Variants in ATP10D observed in about 807,000 individuals in gnomAD.
The protein encoded by ATP10D is phospholipid-transporting ATPase VD.
Under a neutral mutation model 144.8 loss-of-function variants are expected in ATP10D, and 89 were observed. That is an observed-to-expected ratio of 0.61 (90% CI 0.52 to 0.73). The LOEUF (loss-of-function observed/expected upper bound fraction) is 0.73. Ranked by LOEUF, ATP10D falls within the 30% of genes least tolerant of loss-of-function variation. The pLI is 0.00. For synonymous variants in ATP10D, 571 were observed against 615.1 expected (o/e 0.93, Z 1.06); for missense variants, 1,603 against 1,714.8 (o/e 0.93, Z 1.15).
intron 15 of ATP10D, 81 bp downstream of exon 15, chr4:47,563,846 A>T (rs201310707): frequency 1.4e-6 from 1 of 713,118 alleles, no homozygotes; most frequent in South Asian, 3.8e-5. Flanking sequence ...TGCAAGGATT[A>T]AAAAAAAAAC....
At chr4:47,512,001 T>G (rs1404648110) in intron 1 of ATP10D, among the ~76,000 whole-genome samples, 1 of 152,246 alleles carries the variant, frequency 6.6e-6, no homozygotes, top group African/African-American at 2.4e-5. Flanking sequence ...AGAGAAAGAC[T>G]CTACCTCTTG....
intron 6 of ATP10D, 48 bp from the exon 7 acceptor site, chr4:47,535,854 C>A (rs200887418): frequency 2.7e-5 from 42 of 1,575,508 alleles, no homozygotes; most frequent in Non-Finnish European, 3.5e-5. Context: ...GTATTCGCTT[C>A]TTGGCTTTAA....
In ATP10D at chr4:47,535,882, A is replaced by G. The variant is rs753236225; in HGVS notation, c.884-20A>G. On this transcript the variant is annotated intron_variant, in intron 6 of 22. Coordinates refer to ENST00000273859, the MANE Select transcript of ATP10D (RefSeq NM_020453.4). ...GGCTTTAATTTGTACATTTTCTATC[A>G]TACTGCACATCCTTCATAGGCCATG... 1.2e-6 allele frequency: 2 copies of G among 1,604,788 alleles called. No individual in the cohort carries two copies. Among genetic ancestry groups the G allele is most frequent in the Non-Finnish European group, 1.7e-6 (2 of 1,176,862 alleles).
At chr4:47,503,326 C>T (rs796898221) in intron 1 of ATP10D, among the ~76,000 whole-genome samples, 29 of 152,328 alleles carry the variant, frequency 1.9e-4, no homozygotes, top group African/African-American at 6.5e-4. Flanking sequence ...GTTTCCCCAA[C>T]GTCAACCACA....
intron 10 of ATP10D, among the ~76,000 whole-genome samples, chr4:47,549,696 A>G (rs1718626852): frequency 6.6e-6 from 1 of 152,238 alleles, no homozygotes; most frequent in Non-Finnish European, 1.5e-5. Context: ...AGTTAATCCA[A>G]AGTATAGTAA....
chr4:47,559,675 G>T (rs1417843281), intron 13 of ATP10D, among the ~76,000 whole-genome samples: 1 of 152,140 alleles, frequency 6.6e-6, no homozygotes, highest in Non-Finnish European at 1.5e-5. Context: ...GGGATCTGTT[G>T]TAGACCCCAA....
chr4:47,495,983 C>T (rs1241949349), intron 1 of ATP10D, among the ~76,000 whole-genome samples: 4 of 150,470 alleles, frequency 2.7e-5, no homozygotes, highest in Admixed American at 6.6e-5. Flanking sequence ...GTGATCTGCC[C>T]ACCTCGGCCT....
At chr4:47,494,795 A>G (rs919780741) in intron 1 of ATP10D, among the ~76,000 whole-genome samples, 1 of 152,180 alleles carries the variant, frequency 6.6e-6, no homozygotes, top group South Asian at 2.1e-4. Flanking sequence ...TATTACTTTC[A>G]CATCAAAAAC....
At chr4:47,526,029 G>A (rs900468354) in intron 5 of ATP10D, among the ~76,000 whole-genome samples, 2 of 152,186 alleles carry the variant, frequency 1.3e-5, no homozygotes, top group African/African-American at 4.8e-5. Context: ...AGTGTGAGAA[G>A]AGCAAAGTTC....
chr4:47,495,351 A>C (rs1459770395), intron 1 of ATP10D, among the ~76,000 whole-genome samples: 1 of 152,174 alleles, frequency 6.6e-6, no homozygotes, highest in Admixed American at 6.5e-5. Flanking sequence ...GAGTTAAAGG[A>C]ATGCACCTCT....
At position 47,591,171 on chromosome 4, in the gene ATP10D, T is replaced by C; in HGVS notation, c.4071T>C (p.Asn1357=). The C allele has an allele frequency of 3.1e-6, 5 of 1,613,452 alleles. No individual in the cohort carries two copies. Among genetic ancestry groups the C allele is most frequent in the Non-Finnish European group, 4.2e-6 (5 of 1,179,584 alleles). ...AGTGGAGAGGGGCTGGAAAGATGAA[T>C]CAAGTGACATCAAAGTATGCTAACC... The part of the protein sequence containing the change: ...LKKWRGAGKM[N]QVTSKYANQS... The change falls in exon 23 of 23, where the codon AAT becomes AAC. Residue 1357 remains asparagine (N), a synonymous_variant. Coordinates refer to ENST00000273859, the MANE Select transcript of ATP10D (RefSeq NM_020453.4).
At position 47,591,401 on chromosome 4, in the gene ATP10D, A is replaced by G. The variant is rs1721042632; in HGVS notation, c.*20A>G. 1 of 1,546,618 alleles carries G rather than the reference A, an allele frequency of 6.5e-7. No homozygotes were observed. Among genetic ancestry groups the G allele is most frequent in the Non-Finnish European group, 8.7e-7 (1 of 1,145,028 alleles). ...AGCTAGATACCCTCCTTGGAGTTGC[A>G]AGTATTCTTTCAAGGTTGGAAGAGG... On this transcript the variant is annotated 3_prime_UTR_variant, in exon 23 of 23. Coordinates refer to ENST00000273859, the MANE Select transcript of ATP10D (RefSeq NM_020453.4).
At chr4:47,568,798 G>A in intron 15 of ATP10D, 39 bp from the exon 16 acceptor site, 3 of 1,559,434 alleles carry the variant, frequency 1.9e-6, no homozygotes, top group Non-Finnish European at 2.6e-6. Flanking sequence ...TGACACCAAG[G>A]GCGCCTGGAG....
chr4:47,564,510 C>T (rs2109455445), intron 15 of ATP10D, among the ~76,000 whole-genome samples: 1 of 152,026 alleles, frequency 6.6e-6, no homozygotes, highest in Admixed American at 6.5e-5. Flanking sequence ...TATTTTATGG[C>T]AATTCTAAAA....
intron 5 of ATP10D, among the ~76,000 whole-genome samples, chr4:47,530,458 G>A (rs998190819): frequency 1.3e-5 from 2 of 151,800 alleles, no homozygotes; most frequent in African/African-American, 4.8e-5. Flanking sequence ...TTGTTTGTTT[G>A]TTTGTTTGTT....
Position 47,585,417 on chromosome 4 carries a change from C to CA in ATP10D, c.3754-1601dup, listed in dbSNP as rs555029306. Among the ~76,000 whole-genome samples the CA allele has an allele frequency of 2.6e-4, 39 of 152,186 alleles. No individual in the cohort carries two copies. The East Asian group carries it at 7.3e-3, about 29-fold the overall frequency. The stretch of plus-strand genomic sequence containing the variant: ...ATTATGTACATGAGATGTTTTGATA[C>CA]AGGGTTGCAATGTGAAATAAGCACA... On this transcript the variant is annotated intron_variant, in intron 21 of 22. Coordinates refer to ENST00000273859, the MANE Select transcript of ATP10D (RefSeq NM_020453.4).
intron 3 of ATP10D, among the ~76,000 whole-genome samples, chr4:47,519,674 C>A (rs1339361129): frequency 6.6e-6 from 1 of 152,162 alleles, no homozygotes; most frequent in Non-Finnish European, 1.5e-5. Flanking sequence ...TGCTGTCTCA[C>A]CTTTCTTTGC....
At position 47,558,182 on chromosome 4, in the gene ATP10D, T is replaced by C. The variant is rs759394142; in HGVS notation, c.2343T>C (p.Val781=). The C allele has an allele frequency of 2.5e-6, 4 of 1,614,202 alleles. No individual in the cohort carries two copies. Among genetic ancestry groups the C allele is most frequent in the Non-Finnish European group, 2.5e-6 (3 of 1,180,036 alleles). Residue 781 remains valine, a synonymous_variant, in exon 12 of 23, where the codon GTT becomes GTC. Transcript: ENST00000273859. ...PFDSVRKRMS[V]VVRHPLSNQV... is the part of the protein sequence containing the mutation. Reference sequence around the variant, plus strand: ...ACTCAGTAAGAAAAAGAATGTCTGTTGTGGTCCGACACCCTCTTTCCAATC... The same window carrying C: ...ACTCAGTAAGAAAAAGAATGTCTGTCGTGGTCCGACACCCTCTTTCCAATC...
chr4:47,576,760 T>C lies in ATP10D; in HGVS notation c.3367-13T>C. 6.8e-6 allele frequency: 11 copies of C among 1,610,536 alleles called. No homozygotes were observed. The highest frequency in any genetic ancestry group is 9.3e-6 in the Non-Finnish European group (11 of 1,176,796). On this transcript the variant is annotated splice_polypyrimidine_tract_variant and intron_variant, in intron 18 of 22. Coordinates refer to ENST00000273859, the MANE Select transcript of ATP10D (RefSeq NM_020453.4). Reference sequence around the variant, plus strand: ...TGATTCTAAGATCTGAATGTCCTTCTTTGTGTCTCTAGGCCTATGTGAACC... The same window carrying C: ...TGATTCTAAGATCTGAATGTCCTTCCTTGTGTCTCTAGGCCTATGTGAACC...
Sources: gnomAD v4.1 joint callset for allele counts (sites outside exome capture counted in the v4.1 genomes callset) on GRCh38, gnomAD v4.1.1 for gene constraint, MANE v1.5 for transcripts, NCBI Gene and HGNC (gene_info 2026-07-23, HGNC 2026-07-21) for gene names.